Variants in HPCAL1 observed in about 807,000 individuals in gnomAD.
HPCAL1 encodes hippocalcin-like protein 1.
HPCAL1 carries 8 observed loss-of-function variants against 17.1 expected under a neutral mutation model. The observed-to-expected ratio is 0.47, with a 90% confidence interval of 0.27 to 0.84. The LOEUF (loss-of-function observed/expected upper bound fraction) is 0.84. Ranked by LOEUF, HPCAL1 falls within the 40% of genes least tolerant of loss-of-function variation. The pLI is 0.13. For synonymous variants in HPCAL1, 112 were observed against 111.4 expected, an observed-to-expected ratio of 1.01 and a Z score of -0.03; for missense variants, 165 against 271.1, an observed-to-expected ratio of 0.61 and a Z score of 2.75.
chr2:10,368,081 T>G (rs1666957391), intron 1 of HPCAL1, among the ~76,000 whole-genome samples: 1 of 151,958 alleles, frequency 6.6e-6, no homozygotes, highest in Admixed American at 6.5e-5. Flanking sequence ...TACACATGTG[T>G]AGGTGTGTGC....
chr2:10,355,858 G>A (rs1666124787), intron 1 of HPCAL1, among the ~76,000 whole-genome samples: 1 of 152,058 alleles, frequency 6.6e-6, no homozygotes, highest in Non-Finnish European at 1.5e-5. Flanking sequence ...ATGGCTATGA[G>A]GGTCTCAGAA....
At chr2:10,373,043 C>A (rs1232281623) in intron 1 of HPCAL1, among the ~76,000 whole-genome samples, 3 of 152,250 alleles carry the variant, frequency 2.0e-5, no homozygotes, top group Non-Finnish European at 4.4e-5. Flanking sequence ...GGCCTGAGCC[C>A]TGGGCAGTGT....
Position 10,419,683 on chromosome 2 carries a change from C to T in HPCAL1, c.-24-51C>T. ...TTGGTCTCTCCGGCACATGGCTCAG[C>T]CCTGCTCCGTGGCCGTGGGTGGCGT... On this transcript the variant is annotated intron_variant, in intron 2 of 4. Transcript: ENST00000307845. This position sits in a 1 kb window ranked among gnomAD's most constrained non-coding sequence, Gnocchi z 5.0. The T allele has an allele frequency of 2.6e-6, 4 of 1,541,470 alleles. No individual in the cohort carries two copies. The highest frequency in any genetic ancestry group is 3.5e-6 in the Non-Finnish European group (4 of 1,143,268).
At chr2:10,307,061 C>G (rs1199864879) in intron 1 of HPCAL1, among the ~76,000 whole-genome samples, 2 of 152,162 alleles carry the variant, frequency 1.3e-5, no homozygotes, top group Non-Finnish European at 2.9e-5. Context: ...AGGTACTACC[C>G]AAGTTGGCAG....
At chr2:10,332,913 A>G (rs1171023376) in intron 1 of HPCAL1, among the ~76,000 whole-genome samples, 1 of 149,466 alleles carries the variant, frequency 6.7e-6, no homozygotes, top group Non-Finnish European at 1.5e-5. Context: ...CAGGCTGAAG[A>G]CAGGAGGCAG....
chr2:10,368,133 TG>T (rs1356241498), intron 1 of HPCAL1, among the ~76,000 whole-genome samples: 1 of 151,982 alleles, frequency 6.6e-6, no homozygotes, highest in African/African-American at 2.4e-5. Context: ...GGTGTGTGCA[TG>T]TGTGCACACG....
chr2:10,415,284 C>T (rs969983842), intron 2 of HPCAL1, among the ~76,000 whole-genome samples: 14 of 152,146 alleles, frequency 9.2e-5, no homozygotes, highest in African/African-American at 3.4e-4. Flanking sequence ...CTTGTTTTGC[C>T]ACTCACTGGC....
At chr2:10,387,552 G>C (rs1018041226) in intron 1 of HPCAL1, among the ~76,000 whole-genome samples, 1 of 152,232 alleles carries the variant, frequency 6.6e-6, no homozygotes, top group Non-Finnish European at 1.5e-5. Context: ...TACTGACCCT[G>C]GTTCCAAACT....
rs979447915 is a variant in HPCAL1, at chr2:10,344,641, C to T, written c.-111+41464C>T. The stretch of plus-strand genomic sequence containing the variant: ...TTTATAATCAAATGAGTAAGACGGG[C>T]GTCCCACACTCCACAGTACTCTGCT... On this transcript the variant is annotated intron_variant, in intron 1 of 4. Coordinates refer to ENST00000307845, the MANE Select transcript of HPCAL1 (RefSeq NM_002149.4). This position sits in a 1 kb window ranked among gnomAD's most constrained non-coding sequence, Gnocchi z 4.9. Among the ~76,000 whole-genome samples, 18 of 152,178 alleles carry T rather than the reference C, an allele frequency of 1.2e-4. No homozygotes were observed. The highest frequency in any genetic ancestry group is 4.3e-4 in the African/African-American group (18 of 41,426).
intron 2 of HPCAL1, among the ~76,000 whole-genome samples, chr2:10,404,846 T>G (rs1669874202): frequency 6.6e-6 from 1 of 152,056 alleles, no homozygotes; most frequent in Non-Finnish European, 1.5e-5. Flanking sequence ...AGGACCAGGT[T>G]TTAATGCCGC....
intron 1 of HPCAL1, among the ~76,000 whole-genome samples, chr2:10,392,346 T>C (rs1463601672): frequency 3.3e-5 from 5 of 152,240 alleles, no homozygotes; most frequent in Admixed American, 6.5e-5. Context: ...TGGCCAAGAA[T>C]TGGTATTCCT....
chr2:10,389,088 C>T (rs1447382464), intron 1 of HPCAL1, among the ~76,000 whole-genome samples: 2 of 152,186 alleles, frequency 1.3e-5, no homozygotes, highest in African/African-American at 4.8e-5. Context: ...AGGGTAGAAA[C>T]AGCTTTCCCT....
chr2:10,426,580 G>C (rs1671420105), intron 4 of HPCAL1, 144 bp from the exon 5 acceptor site: 1 of 697,798 alleles, frequency 1.4e-6, no homozygotes, highest in Admixed American at 2.3e-5. Flanking sequence ...TAAAGTGAAT[G>C]GAGACTAGAC....
chr2:10,392,937 G>A (rs934556006), intron 1 of HPCAL1, among the ~76,000 whole-genome samples: 8 of 152,194 alleles, frequency 5.3e-5, no homozygotes, highest in Admixed American at 4.6e-4. Flanking sequence ...GTCCCCTTCT[G>A]GGGCTTTCAT....
At position 10,331,026 on chromosome 2, in the gene HPCAL1, A is replaced by G. The variant is rs1198628753; in HGVS notation, c.-111+27849A>G. Among the ~76,000 whole-genome samples, 2 of 151,914 alleles carry G rather than the reference A, an allele frequency of 1.3e-5. No individual in the cohort carries two copies. Among genetic ancestry groups the G allele is most frequent in the African/African-American group, 2.4e-5 (1 of 41,418 alleles). Reference sequence around the variant, plus strand: ...CCTCTCCAGTTCTCTGTGTCTTGCCATCTTGGCTTCTTCCTCATCCCGCCT... The same window carrying G: ...CCTCTCCAGTTCTCTGTGTCTTGCCGTCTTGGCTTCTTCCTCATCCCGCCT... On this transcript the variant is annotated intron_variant, in intron 1 of 4. Coordinates refer to ENST00000307845, the MANE Select transcript of HPCAL1 (RefSeq NM_002149.4). The surrounding 1 kb of genome is among the most constrained non-coding windows in gnomAD (Gnocchi z 5.0).
intron 1 of HPCAL1, among the ~76,000 whole-genome samples, chr2:10,371,814 G>A (rs1368254427): frequency 1.3e-5 from 2 of 152,196 alleles, no homozygotes; most frequent in African/African-American, 4.8e-5. Context: ...TGCCATGGAG[G>A]ATAGGGAGAG....
chr2:10,318,388 T>A (rs1001756923), intron 1 of HPCAL1, among the ~76,000 whole-genome samples: 1 of 152,026 alleles, frequency 6.6e-6, no homozygotes, highest in Non-Finnish European at 1.5e-5. Flanking sequence ...GGCCACTCTT[T>A]CTCTCCCTTC....
chr2:10,367,163 C>T lies in HPCAL1; in HGVS notation c.-110-29672C>T, dbSNP rs1558490447. Reference sequence around the variant, plus strand: ...TCCCATTGCTTTTCCAGTTTATTGTCATCTGCTTGGGACTTGAGGGTAACT... The same window carrying T: ...TCCCATTGCTTTTCCAGTTTATTGTTATCTGCTTGGGACTTGAGGGTAACT... On this transcript the variant is annotated intron_variant, in intron 1 of 4. Transcript: ENST00000307845. This position sits in a 1 kb window ranked among gnomAD's most constrained non-coding sequence, Gnocchi z 4.4. Among the ~76,000 whole-genome samples the T allele has an allele frequency of 6.6e-6, 1 of 151,860 alleles. No individual in the cohort carries two copies. Among genetic ancestry groups the T allele is most frequent in the African/African-American group, 2.4e-5 (1 of 41,338 alleles).
chr2:10,373,351 C>T (rs975541064), intron 1 of HPCAL1, among the ~76,000 whole-genome samples: 1 of 152,162 alleles, frequency 6.6e-6, no homozygotes, highest in Admixed American at 6.5e-5. Flanking sequence ...CAGCAGGTCC[C>T]AGTTCATGAT....
Sources: allele counts gnomAD v4.1 joint callset (sites outside exome capture counted in the v4.1 genomes callset), GRCh38; gene constraint gnomAD v4.1.1; non-coding constraint Gnocchi (gnomAD v3.1); transcripts MANE v1.5; gene names NCBI Gene and HGNC (gene_info 2026-07-23, HGNC 2026-07-21).